The following SHCBP1L variants were observed in gnomAD, a reference collection of about 807,000 sequenced individuals.
The protein encoded by SHCBP1L is testicular spindle-associated protein SHCBP1L.
SHCBP1L carries 67 observed loss-of-function variants against 62.5 expected under a neutral mutation model. The observed-to-expected ratio is 1.07, with a 90% CI of 0.88 to 1.31. The LOEUF is 1.31. Among genes scored for constraint, SHCBP1L ranks in the 40% most tolerant of loss-of-function variants. SHCBP1L has a pLI of 0.00. For missense variants in SHCBP1L, 823 were observed against 809.8 expected, an observed-to-expected ratio of 1.02 and a Z score of -0.20; for synonymous variants, 284 against 289.4, an observed-to-expected ratio of 0.98 and a Z score of 0.19.
At chr1:182,901,947 A>C (rs567585070) in intron 9 of SHCBP1L, among the ~76,000 whole-genome samples, 16 of 152,326 alleles carry the variant, frequency 1.1e-4, no homozygotes, top group African/African-American at 3.8e-4. Flanking sequence ...TTCAAGGACC[A>C]CTGAAAAACT....
intron 6 of SHCBP1L, among the ~76,000 whole-genome samples, chr1:182,926,610 G>T (rs1421688645): frequency 6.6e-6 from 1 of 152,048 alleles, no homozygotes; most frequent in Non-Finnish European, 1.5e-5. Context: ...GCAAAACTGT[G>T]AATCAAATCC....
chr1:182,927,274 T>A (rs938073901), intron 6 of SHCBP1L, among the ~76,000 whole-genome samples: 1 of 151,654 alleles, frequency 6.6e-6, no homozygotes, highest in Non-Finnish European at 1.5e-5. Context: ...CTTGTAAAGA[T>A]CACCAACATA....
Position 182,939,184 on chromosome 1 carries a change from T to A in SHCBP1L, c.1068A>T (p.Leu356Phe), listed in dbSNP as rs1014320010. ...ATAGAGCAAATTATTACCGGAGGCG[T>A]AAATCTTCCCACATTTTCAGTAATC... ...LCGLLKMWED[L>F]RLRVHGPFFP... The change falls in exon 5 of 10, where the codon TTA (leucine) becomes TTT (phenylalanine). Residue 356 changes from leucine to phenylalanine, a missense_variant. By Grantham distance (22) the Leu-to-Phe change is conservative (BLOSUM62 0). Coordinates refer to ENST00000367547, the MANE Select transcript of SHCBP1L (RefSeq NM_030933.4). 5 of 1,608,678 alleles carry A rather than the reference T, an allele frequency of 3.1e-6. No homozygotes were observed. In the African/African-American group the frequency reaches 6.7e-5, roughly 22 times the overall value.
chr1:182,923,135 ACTGGATGAATTC>A (rs2101934604), intron 6 of SHCBP1L, among the ~76,000 whole-genome samples: 1 of 152,328 alleles, frequency 6.6e-6, no homozygotes, highest in East Asian at 1.9e-4. Context: ...ATCTAAAGGA[ACTGGATGAATTC>A]CTGCAAACAC....
chr1:182,941,464 T>A (rs1651363581), intron 2 of SHCBP1L, among the ~76,000 whole-genome samples: 1 of 152,150 alleles, frequency 6.6e-6, no homozygotes. Context: ...GAAGCAAATT[T>A]TCTTTAAGAG....
At chr1:182,947,808 A>G (rs1266783821) in intron 2 of SHCBP1L, among the ~76,000 whole-genome samples, 1 of 152,144 alleles carries the variant, frequency 6.6e-6, no homozygotes, top group Non-Finnish European at 1.5e-5. Flanking sequence ...CCTCCCATGT[A>G]GAGAGGACTA....
At chr1:182,930,685 GTGTGTGTGTGTGTGTGTGTATA>G (rs1214963671) in intron 5 of SHCBP1L, among the ~76,000 whole-genome samples, 10 of 80,298 alleles carry the variant, frequency 1.2e-4, no homozygotes, top group African/African-American at 7.2e-4. Flanking sequence ...GTGTGTGTGT[GTGTGTGTGTGTGTGTGTGTATA>G]TATATATATA....
intron 5 of SHCBP1L, among the ~76,000 whole-genome samples, chr1:182,930,169 T>C (rs1650915059): frequency 6.6e-6 from 1 of 152,166 alleles, no homozygotes; most frequent in African/African-American, 2.4e-5. Context: ...GATACTATGC[T>C]CAATTAATAT....
chr1:182,912,665 G>A (rs1337895477), intron 6 of SHCBP1L, among the ~76,000 whole-genome samples: 1 of 151,884 alleles, frequency 6.6e-6, no homozygotes, highest in Non-Finnish European at 1.5e-5. Flanking sequence ...TGAGATTACA[G>A]GTGTGCACCA....
chr1:182,907,703 C>T (rs547193994), intron 6 of SHCBP1L, among the ~76,000 whole-genome samples: 50 of 151,944 alleles, frequency 3.3e-4, no homozygotes, highest in African/African-American at 1.2e-3. Context: ...CTCAGCCTCC[C>T]GAGTAGCTGG....
intron 6 of SHCBP1L, among the ~76,000 whole-genome samples, chr1:182,912,684 A>C (rs185257176): frequency 6.6e-6 from 1 of 151,956 alleles, no homozygotes; most frequent in East Asian, 2.0e-4. Context: ...CACCACACCC[A>C]GCAAATTTTT....
At chr1:182,921,114 G>A (rs1489858406) in intron 6 of SHCBP1L, among the ~76,000 whole-genome samples, 1 of 152,062 alleles carries the variant, frequency 6.6e-6, no homozygotes, top group Admixed American at 6.6e-5. Context: ...AATATTAAAG[G>A]CAGCTAGAGA....
chr1:182,949,827 CTTTT>C (rs1193224921), intron 2 of SHCBP1L, among the ~76,000 whole-genome samples: 2 of 136,912 alleles, frequency 1.5e-5, no homozygotes, highest in Non-Finnish European at 1.6e-5. Flanking sequence ...ATATGGTATT[CTTTT>C]TTTTTTTTTT....
At chr1:182,903,831 G>C (rs1009607241) in intron 8 of SHCBP1L, among the ~76,000 whole-genome samples, 3 of 152,048 alleles carry the variant, frequency 2.0e-5, no homozygotes, top group Admixed American at 2.0e-4. Context: ...GAAGCTGTTA[G>C]AACTAATCAC....
At chr1:182,905,731 G>A (rs946445116) in intron 6 of SHCBP1L, 82 bp from the exon 7 acceptor site, 2 of 1,337,584 alleles carry the variant, frequency 1.5e-6, no homozygotes, top group African/African-American at 1.5e-5. Context: ...TACTGGACAA[G>A]TACTTTTCCC....
intron 9 of SHCBP1L, among the ~76,000 whole-genome samples, chr1:182,901,727 C>A (rs939374883): frequency 4.6e-5 from 7 of 152,198 alleles, no homozygotes. Flanking sequence ...AAATTCTCCA[C>A]TTCTAACAAA....
At chr1:182,938,334 C>G (rs944999230) in intron 5 of SHCBP1L, among the ~76,000 whole-genome samples, 1 of 152,114 alleles carries the variant, frequency 6.6e-6, no homozygotes, top group Non-Finnish European at 1.5e-5. Context: ...AAACTCCTGA[C>G]CTCAGGTGAT....
At chr1:182,900,318 T>C (rs1649788392) in intron 9 of SHCBP1L, 84 bp from the exon 10 acceptor site, 12 of 1,170,260 alleles carry the variant, frequency 1.0e-5, no homozygotes, top group Non-Finnish European at 1.4e-5. Flanking sequence ...TAGCTTAGAC[T>C]TTATTCTTGG....
intron 2 of SHCBP1L, among the ~76,000 whole-genome samples, chr1:182,945,760 T>C (rs1270779760): frequency 6.6e-6 from 1 of 152,192 alleles, no homozygotes; most frequent in East Asian, 1.9e-4. Flanking sequence ...AAACTAAGAA[T>C]TACTTTTGAA....
Sources: gnomAD v4.1 joint callset for allele counts (sites outside exome capture counted in the v4.1 genomes callset) on GRCh38, gnomAD v4.1.1 for gene constraint, MANE v1.5 for transcripts, NCBI Gene and HGNC (gene_info 2026-07-23, HGNC 2026-07-21) for gene names.